MERTK: variants seen among roughly 807,000 people sequenced by gnomAD.
MERTK encodes MER proto-oncogene, tyrosine kinase, also known as tyrosine-protein kinase Mer.
Under a neutral mutation model 99.3 loss-of-function variants are expected in MERTK, and 69 were observed. That is an observed-to-expected ratio of 0.70 (90% CI 0.57 to 0.85). The LOEUF (loss-of-function observed/expected upper bound fraction) is 0.85, where lower values mean the gene tolerates loss of function less well. Ranked by LOEUF, MERTK falls within the 40% of genes least tolerant of loss-of-function variation. The pLI, the probability that MERTK is intolerant of heterozygous loss-of-function variation, is 0.00. For missense variants in MERTK, 1,125 were observed against 1,249.4 expected, an observed-to-expected ratio of 0.90 and a Z score of 1.50; for synonymous variants, 426 against 467.6, an observed-to-expected ratio of 0.91 and a Z score of 1.15.
At chr2:112,004,705 T>A (rs1031292853) in intron 13 of MERTK, among the ~76,000 whole-genome samples, 1 of 151,530 alleles carries the variant, frequency 6.6e-6, no homozygotes, top group African/African-American at 2.4e-5. Context: ...AGGTCAGGAG[T>A]TTGAGACCAG....
At chr2:111,925,899 C>A (rs1476737155) in intron 1 of MERTK, among the ~76,000 whole-genome samples, 2 of 150,974 alleles carry the variant, frequency 1.3e-5, no homozygotes, top group African/African-American at 4.9e-5. Context: ...GTGGCGCGAT[C>A]TCGGCTCACT....
At chr2:111,972,264 A>G (rs1007436840) in intron 6 of MERTK, among the ~76,000 whole-genome samples, 1 of 152,116 alleles carries the variant, frequency 6.6e-6, no homozygotes, top group Non-Finnish European at 1.5e-5. Context: ...ATTTATATAC[A>G]TGGACATAAC....
At chr2:111,972,654 C>G (rs995041932) in intron 6 of MERTK, among the ~76,000 whole-genome samples, 3 of 152,260 alleles carry the variant, frequency 2.0e-5, no homozygotes, top group South Asian at 2.1e-4. Context: ...CTAGCTCAGC[C>G]TCCATTCATC....
chr2:112,024,297 G>A (rs1558812078), intron 18 of MERTK, among the ~76,000 whole-genome samples: 1 of 152,230 alleles, frequency 6.6e-6, no homozygotes, highest in Non-Finnish European at 1.5e-5. Context: ...CGGTGATTAT[G>A]TTGGGTCTTA....
At chr2:111,904,229 C>G (rs1210989914) in intron 1 of MERTK, among the ~76,000 whole-genome samples, 1 of 152,188 alleles carries the variant, frequency 6.6e-6, no homozygotes, top group Non-Finnish European at 1.5e-5. Flanking sequence ...TGTCATGTGC[C>G]TCTCAGGAAG....
At chr2:111,970,179 C>T (rs1019918023) in intron 6 of MERTK, among the ~76,000 whole-genome samples, 5 of 150,016 alleles carry the variant, frequency 3.3e-5, no homozygotes, top group East Asian at 2.0e-4. Flanking sequence ...TAATTTGAGA[C>T]GTAGTCTCGC....
At chr2:111,903,412 A>G (rs1160794671) in intron 1 of MERTK, among the ~76,000 whole-genome samples, 1 of 152,226 alleles carries the variant, frequency 6.6e-6, no homozygotes, top group African/African-American at 2.4e-5. Context: ...AAAACCAGAC[A>G]GATTTTTGGG....
In MERTK at chr2:111,929,119, G is replaced by A; in HGVS notation, c.62-1G>A. Reference sequence around the variant, plus strand: ...TAAAATTTGGATGTTCTGTTTTACAGCTATCACTGAGGCAAGGGAAGAAGC... The same window carrying A: ...TAAAATTTGGATGTTCTGTTTTACAACTATCACTGAGGCAAGGGAAGAAGC... On this transcript the variant is annotated splice_acceptor_variant, in intron 1 of 18. Coordinates refer to ENST00000295408, the MANE Select transcript of MERTK (RefSeq NM_006343.3). LOFTEE classifies it high-confidence loss of function. 1 of 1,614,158 alleles carries A rather than the reference G, an allele frequency of 6.2e-7. No individual in the cohort carries two copies.
At chr2:111,943,000 A>G (rs1558780876) in intron 2 of MERTK, among the ~76,000 whole-genome samples, 3 of 152,046 alleles carry the variant, frequency 2.0e-5, no homozygotes, top group African/African-American at 7.2e-5. Flanking sequence ...ACCTAAGGAA[A>G]CTCTGTCTCA....
chr2:111,925,459 G>A (rs1056026189), intron 1 of MERTK, among the ~76,000 whole-genome samples: 4 of 150,650 alleles, frequency 2.7e-5, no homozygotes, highest in Admixed American at 6.6e-5. Context: ...CCACCACTAC[G>A]CTTGGCTAAA....
At chr2:111,975,191 T>A in intron 6 of MERTK, 98 bp from the exon 7 acceptor site, 1 of 1,155,874 alleles carries the variant, frequency 8.7e-7, no homozygotes, top group Non-Finnish European at 1.3e-6. Flanking sequence ...CCCCTTAGCG[T>A]AGAGGAAGGG....
intron 8 of MERTK, among the ~76,000 whole-genome samples, chr2:111,986,873 G>T (rs545206322): frequency 3.3e-4 from 50 of 152,266 alleles, no homozygotes; most frequent in African/African-American, 1.2e-3. Context: ...AACATTCTCT[G>T]ATGCAGCTAA....
At chr2:111,977,222 G>A (rs1676271685) in intron 7 of MERTK, among the ~76,000 whole-genome samples, 1 of 150,428 alleles carries the variant, frequency 6.6e-6, no homozygotes, top group Non-Finnish European at 1.5e-5. Flanking sequence ...ATGGTATTCA[G>A]CTCCTGTAGT....
At chr2:111,910,490 G>A (rs575916754) in intron 1 of MERTK, among the ~76,000 whole-genome samples, 3 of 151,618 alleles carry the variant, frequency 2.0e-5, no homozygotes, top group African/African-American at 4.8e-5. Context: ...GGCTGATCTC[G>A]AACTCCTGAC....
chr2:111,940,205 A>T, intron 2 of MERTK: 1 of 206,956 alleles, frequency 4.8e-6, no homozygotes, highest in Non-Finnish European at 1.0e-5. Context: ...CTCCCCCGAG[A>T]ATGTGATATA....
intron 18 of MERTK, 149 bp downstream of exon 18, chr2:112,022,543 C>G (rs373390660): frequency 8.5e-6 from 10 of 1,180,396 alleles, no homozygotes; most frequent in Non-Finnish European, 1.1e-5. Context: ...ACAGACACCC[C>G]AGCCCAGGAG....
chr2:112,002,888 G>A lies in MERTK; in HGVS notation c.1691-204G>A, dbSNP rs574381633. 2.4e-4 allele frequency among the ~76,000 whole-genome samples: 36 copies of A among 152,218 alleles called. 1 individual carries two copies. The South Asian group carries it at 6.2e-3, about 26-fold the overall frequency. On this transcript the variant is annotated intron_variant, in intron 11 of 18. Coordinates refer to ENST00000295408, the MANE Select transcript of MERTK (RefSeq NM_006343.3). ...CTTGGGAGGCTGAGGCACAAGAATC[G>A]CTTGAACCCAGGAGGCAGAGGTTGC...
intron 1 of MERTK, among the ~76,000 whole-genome samples, chr2:111,925,566 G>A (rs1684548110): frequency 6.6e-6 from 1 of 151,488 alleles, no homozygotes; most frequent in African/African-American, 2.4e-5. Context: ...GCCTCCCAAA[G>A]TGCTGGGATT....
intron 13 of MERTK, among the ~76,000 whole-genome samples, chr2:112,005,419 A>G (rs1181876913): frequency 6.6e-6 from 1 of 152,214 alleles, no homozygotes; most frequent in Non-Finnish European, 1.5e-5. Flanking sequence ...TGACTTGTCT[A>G]ATTGAAATAG....
Sources: gnomAD v4.1 joint callset for allele counts (sites outside exome capture counted in the v4.1 genomes callset) on GRCh38, gnomAD v4.1.1 for gene constraint, MANE v1.5 for transcripts, NCBI Gene and HGNC (gene_info 2026-07-23, HGNC 2026-07-21) for gene names.